PALM2AKAP2: variants seen among roughly 807,000 people sequenced by gnomAD.
The protein encoded by PALM2AKAP2 is PALM2-AKAP2 fusion protein.
PALM2AKAP2 carries 37 observed loss-of-function variants against 71.5 expected under a neutral mutation model. The observed-to-expected ratio is 0.52, with a 90% confidence interval of 0.40 to 0.68. The LOEUF (loss-of-function observed/expected upper bound fraction) is 0.68. Among genes scored for constraint, PALM2AKAP2 ranks in the 30% least tolerant of loss-of-function variants. The probability of loss-of-function intolerance (pLI) is 0.00; values close to 1 mark genes in which losing one functional copy is unlikely to be tolerated. For synonymous variants in PALM2AKAP2, 468 were observed against 478.8 expected (o/e 0.98, Z 0.29); for missense variants, 1,224 against 1,191.8 (o/e 1.03, Z -0.40).
chr9:109,867,519 A>G (rs1242160504), exon 2 of PALM2AKAP2: 1 of 1,613,004 alleles, frequency 6.2e-7, no homozygotes, highest in Admixed American at 1.7e-5. Context: ...ACTGAAATAG[A>G]AGGCAAGCGA....
chr9:109,750,387 G>A (rs917128564), intron 1 of PALM2AKAP2, among the ~76,000 whole-genome samples: 1 of 152,072 alleles, frequency 6.6e-6, no homozygotes, highest in Non-Finnish European at 1.5e-5. Flanking sequence ...ATATACAATT[G>A]CAAAATTCAT....
intron 2 of PALM2AKAP2, among the ~76,000 whole-genome samples, chr9:109,869,221 C>T (rs1829538273): frequency 6.6e-6 from 1 of 152,036 alleles, no homozygotes; most frequent in Non-Finnish European, 1.5e-5. Flanking sequence ...TTTCTTTGGT[C>T]TCCCTTCTCA....
chr9:109,837,776 CAAAG>C (rs1332636387), intron 1 of PALM2AKAP2, among the ~76,000 whole-genome samples: 6 of 152,070 alleles, frequency 3.9e-5, no homozygotes, highest in Admixed American at 6.6e-5. Flanking sequence ...TCAAAAGAGA[CAAAG>C]AAGGCCATTA....
chr9:109,866,109 G>A (rs1230635308), intron 1 of PALM2AKAP2, among the ~76,000 whole-genome samples: 1 of 152,172 alleles, frequency 6.6e-6, no homozygotes, highest in Non-Finnish European at 1.5e-5. Flanking sequence ...AAGATTATGA[G>A]CTAATATTTT....
At chr9:110,145,284 C>G (rs1347389180) in intron 2 of PALM2AKAP2, among the ~76,000 whole-genome samples, 1 of 152,196 alleles carries the variant, frequency 6.6e-6, no homozygotes, top group African/African-American at 2.4e-5. Flanking sequence ...TAGGCAAAAG[C>G]ACTCGGGCTG....
chr9:109,777,108 T>G (rs1321680918), upstream of PALM2AKAP2, among the ~76,000 whole-genome samples: 2 of 152,228 alleles, frequency 1.3e-5, no homozygotes, highest in African/African-American at 4.8e-5. Flanking sequence ...TTTCTATTTT[T>G]CTGAAGCCCC....
intron 1 of PALM2AKAP2, chr9:110,125,429 G>C: frequency 1.1e-6 from 1 of 906,124 alleles, no homozygotes; most frequent in Non-Finnish European, 1.3e-6. Context: ...GTCCTTCTTT[G>C]TGTGAATGGC....
At chr9:109,757,035 C>T (rs1447675183) in intron 1 of PALM2AKAP2, among the ~76,000 whole-genome samples, 1 of 152,002 alleles carries the variant, frequency 6.6e-6, no homozygotes, top group African/African-American at 2.4e-5. Context: ...CCATAAGTGA[C>T]CTATTCTGCT....
intron 1 of PALM2AKAP2, among the ~76,000 whole-genome samples, chr9:109,646,693 C>A (rs572613932): frequency 1.7e-4 from 26 of 152,320 alleles, no homozygotes; most frequent in African/African-American, 6.3e-4. Context: ...TGAATACTTT[C>A]TATGTATGAA....
rs957478135 is a variant in PALM2AKAP2 at position 109,855,795 on chromosome 9, A to C, written c.46-11696A>C. On this transcript the variant is annotated intron_variant, in intron 1 of 9. Coordinates refer to the PALM2AKAP2 transcript ENST00000302798. ...AACTTGGCTATGCAGTAATTCTAAC[A>C]TCAGCAGTGCAAAGAAGGGAAGTAC... Among the ~76,000 whole-genome samples, 6 of 152,188 alleles carry C rather than the reference A, an allele frequency of 3.9e-5. No individual in the cohort carries two copies. The South Asian group carries it at 1.0e-3, about 26-fold the overall frequency.
intron 1 of PALM2AKAP2, among the ~76,000 whole-genome samples, chr9:109,668,638 C>G (rs1564107122): frequency 6.6e-6 from 1 of 151,958 alleles, no homozygotes; most frequent in Admixed American, 6.6e-5. Flanking sequence ...CTGTCTCTGT[C>G]TTTTTTTTAT....
chr9:109,719,758 T>A (rs896649513), intron 1 of PALM2AKAP2, among the ~76,000 whole-genome samples: 1 of 152,168 alleles, frequency 6.6e-6, no homozygotes, highest in Non-Finnish European at 1.5e-5. Flanking sequence ...TTCTCTAAAC[T>A]ATTCCCAGTT....
chr9:109,986,671 T>C (rs886693057), intron 6 of PALM2AKAP2, among the ~76,000 whole-genome samples: 11 of 152,264 alleles, frequency 7.2e-5, no homozygotes, highest in Non-Finnish European at 1.6e-4. Context: ...TGACATTCTC[T>C]TGTATTATTT....
chr9:109,702,566 G>C (rs1432187231), intron 1 of PALM2AKAP2, among the ~76,000 whole-genome samples: 1 of 150,550 alleles, frequency 6.6e-6, no homozygotes, highest in Non-Finnish European at 1.5e-5. Context: ...CACAGGAAGG[G>C]GAACATCACA....
intron 6 of PALM2AKAP2, among the ~76,000 whole-genome samples, chr9:109,992,954 T>TAGAGAG (rs3063881): frequency 9.1e-5 from 13 of 142,730 alleles, no homozygotes; most frequent in South Asian, 2.3e-4. Flanking sequence ...TATATATATA[T>TAGAGAG]AGAGAGAGAG....
At chr9:109,867,619 C>T (rs780425569) in intron 2 of PALM2AKAP2, 48 bp downstream of exon 2, 1 of 1,581,324 alleles carries the variant, frequency 6.3e-7, no homozygotes, top group African/African-American at 1.4e-5. Context: ...ACATGCAGAT[C>T]ACACTCCGGA....
At chr9:110,097,036 G>C (rs1834864135) in intron 1 of PALM2AKAP2, among the ~76,000 whole-genome samples, 1 of 148,442 alleles carries the variant, frequency 6.7e-6, no homozygotes, top group African/African-American at 2.5e-5. Flanking sequence ...AATAGTGGAG[G>C]GAAGGTCAGC....
At chr9:109,809,240 T>G (rs1449897792) in intron 1 of PALM2AKAP2, among the ~76,000 whole-genome samples, 1 of 152,180 alleles carries the variant, frequency 6.6e-6, no homozygotes, top group East Asian at 1.9e-4. Flanking sequence ...TGCCACAGAC[T>G]TTCAATGCTA....
Position 110,014,811 on chromosome 9 carries a change from T to A in PALM2AKAP2, c.497-1143T>A, listed in dbSNP as rs1588059192. 2.4e-3 allele frequency among the ~76,000 whole-genome samples: 27 copies of A among 11,200 alleles called. 2 individuals carry two copies. Among genetic ancestry groups the A allele is most frequent in the African/African-American group, 7.5e-3 (26 of 3,450 alleles). The allele number at this position is 11,200 out of a possible 152,430, so 7.3% of individuals were successfully genotyped here. A position where few individuals can be genotyped will look rare whatever the true frequency, so the allele number is the denominator to read the frequency against. ...AAAAAAAAAAAAAAAAAAATGTATA[T>A]ATATATATATATATATATATATATA... is the stretch of plus-strand genomic sequence containing the variant. On this transcript the variant is annotated intron_variant, in intron 6 of 9. Coordinates refer to the PALM2AKAP2 transcript ENST00000302798.
Sources: allele counts gnomAD v4.1 joint callset (sites outside exome capture counted in the v4.1 genomes callset), GRCh38; gene constraint gnomAD v4.1.1; transcripts MANE v1.5; gene names NCBI Gene and HGNC (gene_info 2026-07-23, HGNC 2026-07-21).